BTBD7: variants seen among roughly 807,000 people sequenced by gnomAD.
BTBD7 encodes BTB/POZ domain-containing protein 7.
Under a neutral mutation model 99.9 loss-of-function variants are expected in BTBD7, and 38 were observed. That is an observed-to-expected ratio of 0.38 (90% CI 0.29 to 0.50). BTBD7 has a LOEUF of 0.50. Among genes scored for constraint, BTBD7 ranks in the 20% least tolerant of loss-of-function variants. The pLI is 0.93. For synonymous variants in BTBD7, 520 were observed against 511.4 expected, an observed-to-expected ratio of 1.02 and a Z score of -0.23; for missense variants, 1,170 against 1,394.6, an observed-to-expected ratio of 0.84 and a Z score of 2.57.
intron 1 of BTBD7, among the ~76,000 whole-genome samples, chr14:93,303,603 C>A (rs906900065): frequency 6.6e-6 from 1 of 152,204 alleles, no homozygotes. Flanking sequence ...TTAAAATATT[C>A]TTTAAAAAAT....
chr14:93,254,357 T>G (rs2052405430), intron 6 of BTBD7, among the ~76,000 whole-genome samples: 1 of 152,228 alleles, frequency 6.6e-6, no homozygotes, highest in African/African-American at 2.4e-5. Flanking sequence ...AAAATGTAGT[T>G]AAGTTGGACT....
intron 1 of BTBD7, among the ~76,000 whole-genome samples, chr14:93,324,641 G>A (rs1435039162): frequency 2.6e-5 from 4 of 152,076 alleles, no homozygotes; most frequent in South Asian, 2.1e-4. Flanking sequence ...GACAGCTGTC[G>A]GTAGCAATAG....
intron 7 of BTBD7, 70 bp downstream of exon 7, chr14:93,253,577 C>T (rs1436368117): frequency 5.0e-6 from 7 of 1,402,258 alleles, no homozygotes; most frequent in Non-Finnish European, 6.8e-6. Flanking sequence ...TTAAGTAATA[C>T]TACAGTGAAC....
intron 1 of BTBD7, among the ~76,000 whole-genome samples, chr14:93,300,718 G>C (rs1025251128): frequency 3.3e-5 from 1 of 29,876 alleles, no homozygotes; most frequent in East Asian, 9.8e-4. Context: ...GTGTGTGTGT[G>C]TGTGTGTGTG....
At chr14:93,325,534 C>T (rs983565649) in intron 1 of BTBD7, among the ~76,000 whole-genome samples, 1 of 152,044 alleles carries the variant, frequency 6.6e-6, no homozygotes, top group Non-Finnish European at 1.5e-5. Context: ...CTGTTTAATA[C>T]GTAGTCCAGA....
rs2139664580 is a variant in BTBD7 at position 93,240,202 on chromosome 14, C to T, written c.*2071G>A. On this transcript the variant is annotated 3_prime_UTR_variant, in exon 11 of 11. Transcript: ENST00000334746. ...TCTGGGAGCTCGGGAGCGTGCACCA[C>T]CACCAGTGTCACCGAGCGCACCCGC... The T allele has an allele frequency of 6.5e-6, 1 of 152,734 alleles. No individual in the cohort carries two copies. Among genetic ancestry groups the T allele is most frequent in the Middle Eastern group, 3.4e-3 (1 of 294 alleles). The allele number at this position is 152,734 out of a possible 1,614,324, so 9.5% of individuals were successfully genotyped here.
intron 1 of BTBD7, among the ~76,000 whole-genome samples, chr14:93,304,820 G>A (rs762161819): frequency 4.6e-5 from 7 of 152,114 alleles, no homozygotes; most frequent in Non-Finnish European, 1.0e-4. Flanking sequence ...AAAATACAAG[G>A]GTATACTTCT....
intron 7 of BTBD7, 90 bp downstream of exon 7, chr14:93,253,557 T>G: frequency 8.3e-7 from 1 of 1,211,506 alleles, no homozygotes; most frequent in Non-Finnish European, 1.1e-6. Flanking sequence ...TATAGGCTAT[T>G]TCCAAATATT....
rs565819992 is a variant in BTBD7 at position 93,249,195 on chromosome 14, G to A, written c.1943-541C>T. ...ACTGGAAGGGGCACCCAGCCAGACT[G>A]GGGACAGACAAGAAAGGCTTCAAGG... On this transcript the variant is annotated intron_variant, in intron 8 of 10. Transcript: ENST00000334746. Among the ~76,000 whole-genome samples, 363 of 150,918 alleles carry A rather than the reference G, an allele frequency of 2.4e-3. 1 individual carries two copies. Among genetic ancestry groups the A allele is most frequent in the African/African-American group, 8.6e-3 (351 of 41,046 alleles).
At position 93,241,090 on chromosome 14, in the gene BTBD7, G is replaced by C. The variant is rs947971599; in HGVS notation, c.*1183C>G. ...CCGCCATCACAGCTGGAGAGTTGACGCTCAGAACCAGAAATTCTGTCAGTG... is the reference window on the plus strand; with the variant it reads ...CCGCCATCACAGCTGGAGAGTTGACCCTCAGAACCAGAAATTCTGTCAGTG... On this transcript the variant is annotated 3_prime_UTR_variant, in exon 11 of 11. Transcript: ENST00000334746. 2.0e-5 allele frequency: 3 copies of C among 151,594 alleles called. No homozygotes were observed. Among genetic ancestry groups the C allele is most frequent in the African/African-American group, 7.3e-5 (3 of 41,206 alleles). The allele number at this position is 151,594 out of a possible 1,614,324, so 9.4% of individuals were successfully genotyped here.
At chr14:93,266,144 T>C (rs908194162) in intron 3 of BTBD7, among the ~76,000 whole-genome samples, 1 of 151,784 alleles carries the variant, frequency 6.6e-6, no homozygotes, top group Non-Finnish European at 1.5e-5. Context: ...TTGGCTTAAC[T>C]GGAACTATAT....
chr14:93,265,416 G>A (rs1036120809), intron 3 of BTBD7, among the ~76,000 whole-genome samples: 28 of 152,206 alleles, frequency 1.8e-4, no homozygotes, highest in Non-Finnish European at 2.4e-4. Context: ...CCACAAGATA[G>A]GGACGGCTAT....
At position 93,319,902 on chromosome 14, in the gene BTBD7, A is replaced by G. The variant is rs1429344486; in HGVS notation, c.-107+12918T>C. Among the ~76,000 whole-genome samples, 6 of 152,248 alleles carry G rather than the reference A, an allele frequency of 3.9e-5. No individual in the cohort carries two copies. In the East Asian group the frequency reaches 1.2e-3, roughly 29 times the overall value. ...CAAGAAAGGAAGACTTGAGAGTTGA[A>G]TAACAGAGAACAAGAAAGAAAGGGG... On this transcript the variant is annotated intron_variant, in intron 1 of 10. Transcript: ENST00000334746.
At chr14:93,248,735 T>C (rs556536965) in intron 8 of BTBD7, 81 bp from the exon 9 acceptor site, 5 of 1,260,204 alleles carry the variant, frequency 4.0e-6, no homozygotes, top group South Asian at 1.6e-5. Context: ...GAAAAAAGCA[T>C]GTATTTCATA....
chr14:93,267,349 TA>T (rs933429326), intron 3 of BTBD7, among the ~76,000 whole-genome samples: 2 of 152,332 alleles, frequency 1.3e-5, no homozygotes, highest in Admixed American at 1.3e-4. Flanking sequence ...CTTCACTCTT[TA>T]AGAGTCTGAA....
At chr14:93,275,788 C>A (rs1463890537) in intron 3 of BTBD7, among the ~76,000 whole-genome samples, 1 of 152,188 alleles carries the variant, frequency 6.6e-6, no homozygotes, top group Non-Finnish European at 1.5e-5. Flanking sequence ...TATAAAGGTA[C>A]TGTGAAAGTA....
chr14:93,246,532 A>G (rs1038999059), intron 9 of BTBD7, among the ~76,000 whole-genome samples: 1 of 152,262 alleles, frequency 6.6e-6, no homozygotes, highest in African/African-American at 2.4e-5. Flanking sequence ...CTCCTCAAGC[A>G]GGTCACTCAT....
At position 93,240,562 on chromosome 14, in the gene BTBD7, A is replaced by G. The variant is rs569348002; in HGVS notation, c.*1711T>C. 2.0e-5 allele frequency: 3 copies of G among 152,762 alleles called. No individual in the cohort carries two copies. The highest frequency in any genetic ancestry group is 4.8e-5 in the African/African-American group (2 of 41,578). The allele number at this position is 152,762 out of a possible 1,614,324, so 9.5% of individuals were successfully genotyped here. ...CATAGTTTTTTATATATATACATAC[A>G]TAGAAAAGAGGATCCCAAATATCCT... On this transcript the variant is annotated 3_prime_UTR_variant, in exon 11 of 11. Coordinates refer to ENST00000334746, the MANE Select transcript of BTBD7 (RefSeq NM_001002860.4).
rs143891102 is a variant in BTBD7 at position 93,306,064 on chromosome 14, G to A, written c.-106-9907C>T. Among the ~76,000 whole-genome samples the A allele has an allele frequency of 2.7e-3, 406 of 152,342 alleles. 1 individual carries two copies. The highest frequency in any genetic ancestry group is 9.2e-3 in the African/African-American group (384 of 41,580). ...CCCAACACATGCAATGTGGGGAACAGCAAATCATAGTAGACATCTATAATA... is the reference window on the plus strand; with the variant it reads ...CCCAACACATGCAATGTGGGGAACAACAAATCATAGTAGACATCTATAATA... On this transcript the variant is annotated intron_variant, in intron 1 of 10. Coordinates refer to ENST00000334746, the MANE Select transcript of BTBD7 (RefSeq NM_001002860.4).
Sources: allele counts gnomAD v4.1 joint callset (sites outside exome capture counted in the v4.1 genomes callset), GRCh38; gene constraint gnomAD v4.1.1; transcripts MANE v1.5; gene names NCBI Gene and HGNC (gene_info 2026-07-23, HGNC 2026-07-21).